Variants in COL5A1 observed in about 807,000 individuals in gnomAD.
The protein encoded by COL5A1 is collagen type V alpha 1 chain.
Under a neutral mutation model 263.7 loss-of-function variants are expected in COL5A1, and 16 were observed. That is an observed-to-expected ratio of 0.06 (90% confidence interval 0.04 to 0.09). COL5A1 has a LOEUF of 0.09. COL5A1 is among the 10% of genes least tolerant of loss of function. The pLI is 1.00. For synonymous variants in COL5A1, 1,012 were observed against 1,004.5 expected (o/e 1.01, Z -0.14); for missense variants, 2,036 against 2,540.5 (o/e 0.80, Z 4.27).
chr9:134,771,946 A>C (rs1836878357), intron 25 of COL5A1, among the ~76,000 whole-genome samples: 1 of 152,224 alleles, frequency 6.6e-6, no homozygotes, highest in Non-Finnish European at 1.5e-5. Context: ...GCTCACAGGC[A>C]TTAAACCGAG....
chr9:134,749,649 T>C (rs1001171713), intron 11 of COL5A1, among the ~76,000 whole-genome samples: 2 of 152,162 alleles, frequency 1.3e-5, no homozygotes, highest in Non-Finnish European at 2.9e-5. Context: ...CTGTTGCTGA[T>C]TCGGAAGACT....
rs1038346600 is a variant in COL5A1 at position 134,746,126 on chromosome 9, G to A, written c.1495-4416G>A. Among the ~76,000 whole-genome samples the A allele has an allele frequency of 2.7e-4, 41 of 152,296 alleles. 2 individuals carry two copies. Among genetic ancestry groups the A allele is most frequent in the Middle Eastern group, 3.4e-3 (1 of 294 alleles). On this transcript the variant is annotated intron_variant, in intron 11 of 65. Transcript: ENST00000371817. ...GATGAGAGACCCTTCAGCCCACCGC[G>A]CGTGGTCATGCACGTACGTGTTCTG...
In COL5A1 at chr9:134,789,163, T is replaced by C. The variant is rs746323129; in HGVS notation, c.2655T>C (p.Ile885=). 13 of 1,612,918 alleles carry C rather than the reference T, an allele frequency of 8.1e-6. No homozygotes were observed. Among genetic ancestry groups the C allele is most frequent in the Non-Finnish European group, 4.2e-6 (5 of 1,179,910 alleles). The change falls in exon 32 of 66, where the codon ATT becomes ATC. Residue 885 remains isoleucine (I), a synonymous_variant. Transcript: ENST00000371817. The surrounding 1 kb of genome is among the most constrained non-coding windows in gnomAD (Gnocchi z 4.8). ...YPGRQGPKGS[I]GFPGFPGANG... ...CTTAAACTCTCTTTCAGGGCTCTAT[T>C]GGATTCCCTGGATTTCCTGGCGCCA...
chr9:134,740,653 C>T (rs1207858956), intron 11 of COL5A1, among the ~76,000 whole-genome samples: 3 of 152,196 alleles, frequency 2.0e-5, no homozygotes. Context: ...ACTGCTCTAG[C>T]CTGGGGATCT....
intron 9 of COL5A1, among the ~76,000 whole-genome samples, chr9:134,733,421 C>T (rs1421879749): frequency 6.6e-6 from 1 of 152,196 alleles, no homozygotes; most frequent in Non-Finnish European, 1.5e-5. Context: ...GGCTCTATGC[C>T]CTTGCTCCAG....
chr9:134,730,213 C>G, intron 6 of COL5A1, 23 bp from the exon 7 acceptor site: 6 of 1,612,010 alleles, frequency 3.7e-6, no homozygotes, highest in Non-Finnish European at 5.1e-6. Context: ...CTGACTCCAG[C>G]TGTCTCTGTC....
chr9:134,657,771 G>C (rs541665040), intron 1 of COL5A1, among the ~76,000 whole-genome samples: 1 of 151,798 alleles, frequency 6.6e-6, no homozygotes, highest in Admixed American at 6.6e-5. Context: ...AGGGCAGGGG[G>C]TGGGACAGGA....
At chr9:134,708,873 C>T (rs1392803246) in intron 4 of COL5A1, 1 of 456,638 alleles carries the variant, frequency 2.2e-6, no homozygotes, top group Non-Finnish European at 4.4e-6. Flanking sequence ...GCGGGGGACT[C>T]TGCCTGCCGC....
chr9:134,772,459 G>A (rs1452083999), intron 25 of COL5A1, among the ~76,000 whole-genome samples: 4 of 152,234 alleles, frequency 2.6e-5, no homozygotes, highest in South Asian at 2.1e-4. Context: ...GGCTCTGGCC[G>A]GGTCAGGAGC....
intron 4 of COL5A1, among the ~76,000 whole-genome samples, chr9:134,714,594 G>A (rs1224197979): frequency 5.7e-5 from 8 of 140,190 alleles, no homozygotes; most frequent in Non-Finnish European, 4.7e-5. Flanking sequence ...GGTGGTGGAG[G>A]TGATTGTGAT....
chr9:134,759,899 A>C (rs1416217103), intron 18 of COL5A1, among the ~76,000 whole-genome samples: 18 of 89,874 alleles, frequency 2.0e-4, no homozygotes, highest in Non-Finnish European at 8.1e-5. Context: ...GCACACACAC[A>C]CCCATGCACC....
At chr9:134,676,966 C>T (rs1178864694) in intron 1 of COL5A1, among the ~76,000 whole-genome samples, 1 of 152,238 alleles carries the variant, frequency 6.6e-6, no homozygotes, top group Admixed American at 6.5e-5. Flanking sequence ...CAAGACTTGT[C>T]CCTTCCCTAA....
chr9:134,830,349 C>T (rs779334231), intron 64 of COL5A1: 40 of 659,588 alleles, frequency 6.1e-5, no homozygotes, highest in African/African-American at 3.3e-4. Context: ...CCCCAGCCCC[C>T]GCCACCCTGA....
chr9:134,830,344 G>A, intron 64 of COL5A1: 1 of 671,966 alleles, frequency 1.5e-6, no homozygotes, highest in Non-Finnish European at 2.5e-6. Context: ...CCTCTCCCCA[G>A]CCCCCGCCAC....
intron 37 of COL5A1, among the ~76,000 whole-genome samples, chr9:134,798,854 C>T (rs895752132): frequency 6.6e-6 from 1 of 152,186 alleles, no homozygotes; most frequent in Non-Finnish European, 1.5e-5. Flanking sequence ...TTGAGGGATA[C>T]GTCTTTTAAT....
At chr9:134,804,899 C>G in intron 39 of COL5A1, 76 bp from the exon 40 acceptor site, 2 of 1,324,066 alleles carry the variant, frequency 1.5e-6, no homozygotes, top group Non-Finnish European at 2.2e-6. Context: ...GGCCCCAGCC[C>G]TTGGCTTCGC....
rs6537945 is a variant in COL5A1, at chr9:134,700,765, G to C, written c.492-406G>C. Among the ~76,000 whole-genome samples, 1 of 152,018 alleles carries C rather than the reference G, an allele frequency of 6.6e-6. No homozygotes were observed. The highest frequency in any genetic ancestry group is 1.9e-4 in the East Asian group (1 of 5,180). On this transcript the variant is annotated intron_variant, in intron 3 of 65. Coordinates refer to ENST00000371817, the MANE Select transcript of COL5A1 (RefSeq NM_000093.5). This position sits in a 1 kb window ranked among gnomAD's most constrained non-coding sequence, Gnocchi z 4.0. Reference sequence around the variant, plus strand: ...TTCAGAGGGCACGTGACAAGTGCTCGCATGCACACAGCAAAATACAACGGC... The same window carrying C: ...TTCAGAGGGCACGTGACAAGTGCTCCCATGCACACAGCAAAATACAACGGC...
chr9:134,774,647 G>C (rs543807100), intron 26 of COL5A1, among the ~76,000 whole-genome samples: 1 of 152,288 alleles, frequency 6.6e-6, no homozygotes, highest in African/African-American at 2.4e-5. Context: ...TCTGTGTCCC[G>C]CTCAGCATGA....
chr9:134,754,199 C>T lies in COL5A1; in HGVS notation c.1774-74C>T, dbSNP rs546506609. The T allele has an allele frequency of 2.4e-5, 37 of 1,520,966 alleles. 1 individual carries two copies. In the South Asian group the frequency reaches 3.7e-4, roughly 15 times the overall value. 94.2% of individuals were successfully genotyped at this position (1,520,966 alleles called of 1,614,324 possible). On this transcript the variant is annotated intron_variant, in intron 15 of 65. Transcript: ENST00000371817. The surrounding 1 kb of genome is among the most constrained non-coding windows in gnomAD (Gnocchi z 4.3). ...CAGGCATGGGCAGGGTCGATGAGCACAGGGACAAGGCTTTGCTCTTTCTCC... is the reference window on the plus strand; with the variant it reads ...CAGGCATGGGCAGGGTCGATGAGCATAGGGACAAGGCTTTGCTCTTTCTCC...
Sources: allele counts gnomAD v4.1 joint callset (sites outside exome capture counted in the v4.1 genomes callset), GRCh38; gene constraint gnomAD v4.1.1; non-coding constraint Gnocchi (gnomAD v3.1); transcripts MANE v1.5; gene names NCBI Gene and HGNC (gene_info 2026-07-23, HGNC 2026-07-21).